PARN: variants seen among roughly 807,000 people sequenced by gnomAD.
PARN encodes the protein poly(A)-specific ribonuclease PARN.
Under a neutral mutation model 102.8 loss-of-function variants are expected in PARN, and 71 were observed. The observed-to-expected ratio is 0.69, with a 90% CI of 0.57 to 0.84. The LOEUF (loss-of-function observed/expected upper bound fraction) is 0.84. PARN is among the 40% of genes least tolerant of loss of function. The probability of loss-of-function intolerance (pLI) is 0.00; values close to 1 mark genes in which losing one functional copy is unlikely to be tolerated. For missense variants in PARN, 782 were observed against 760.9 expected, an observed-to-expected ratio of 1.03 and a Z score of -0.33; for synonymous variants, 261 against 252.9, an observed-to-expected ratio of 1.03 and a Z score of -0.30.
chr16:14,617,487 C>A (rs1476479909), intron 6 of PARN, 103 bp downstream of exon 6: 5 of 705,418 alleles, frequency 7.1e-6, no homozygotes, highest in African/African-American at 7.0e-5. Context: ...AAGACTGTGT[C>A]TCAGCAGGCA....
rs552775170 is a variant in PARN at position 14,559,447 on chromosome 16, T to C, written c.1263-3738A>G. ...AATTTTTATGAGTATACAGTAGATG[T>C]ATATATTTGTAGGGTACGTGAGATG... is the stretch of plus-strand genomic sequence containing the variant. On this transcript the variant is annotated intron_variant, in intron 18 of 23. Transcript: ENST00000437198. Among the ~76,000 whole-genome samples the C allele has an allele frequency of 5.2e-4, 79 of 152,126 alleles. 1 individual carries two copies. The highest frequency in any genetic ancestry group is 9.4e-4 in the Non-Finnish European group (64 of 68,004).
At chr16:14,554,713 G>C (rs934281509) in intron 19 of PARN, among the ~76,000 whole-genome samples, 1 of 150,984 alleles carries the variant, frequency 6.6e-6, no homozygotes, top group Non-Finnish European at 1.5e-5. Context: ...AAAAGTGCTG[G>C]AATTACAAGC....
At chr16:14,528,855 TA>T (rs1966158980) in intron 21 of PARN, among the ~76,000 whole-genome samples, 1 of 152,240 alleles carries the variant, frequency 6.6e-6, no homozygotes, top group African/African-American at 2.4e-5. Flanking sequence ...AGTATTCAAT[TA>T]ATCACTTTAA....
At chr16:14,451,682 C>A (rs1444220341) in intron 22 of PARN, among the ~76,000 whole-genome samples, 1 of 151,242 alleles carries the variant, frequency 6.6e-6, no homozygotes, top group Non-Finnish European at 1.5e-5. Context: ...AACGTTAATT[C>A]CCTGTGTCTT....
In PARN at chr16:14,438,633, T is replaced by C. The variant is rs141810525; in HGVS notation, c.1865-1861A>G. Among the ~76,000 whole-genome samples, 501 of 152,352 alleles carry C rather than the reference T, an allele frequency of 3.3e-3. 3 individuals carry two copies. The highest frequency in any genetic ancestry group is 0.012 in the African/African-American group (482 of 41,588). On this transcript the variant is annotated intron_variant, in intron 23 of 23. Coordinates refer to ENST00000437198, the MANE Select transcript of PARN (RefSeq NM_002582.4). ...CTAAGATGGACCCAGTACTATTTTA[T>C]GCTGTATAGGACTTCTGTGATACAG... is the stretch of plus-strand genomic sequence containing the variant.
At chr16:14,528,501 C>A (rs1215169090) in intron 21 of PARN, among the ~76,000 whole-genome samples, 5 of 152,194 alleles carry the variant, frequency 3.3e-5, no homozygotes, top group African/African-American at 1.2e-4. Context: ...ATTTTGCAAG[C>A]CGATCATACA....
At chr16:14,462,408 G>A (rs898006388) in intron 22 of PARN, among the ~76,000 whole-genome samples, 11 of 152,090 alleles carry the variant, frequency 7.2e-5, no homozygotes, top group South Asian at 4.2e-4. Context: ...ATTTAACCAC[G>A]GGAGTTCCAG....
intron 21 of PARN, among the ~76,000 whole-genome samples, chr16:14,551,819 G>A (rs1342475702): frequency 6.6e-6 from 1 of 152,128 alleles, no homozygotes; most frequent in East Asian, 1.9e-4. Context: ...CATACCTAAT[G>A]AATCAAAAGA....
At chr16:14,480,004 C>T (rs539259593) in intron 22 of PARN, among the ~76,000 whole-genome samples, 30 of 149,522 alleles carry the variant, frequency 2.0e-4, no homozygotes, top group Non-Finnish European at 3.1e-4. Flanking sequence ...TAACAATAAA[C>T]GGGAAAAAAC....
chr16:14,442,215 A>C (rs1010586071), intron 23 of PARN, among the ~76,000 whole-genome samples: 1 of 152,190 alleles, frequency 6.6e-6, no homozygotes, highest in African/African-American at 2.4e-5. Flanking sequence ...GATTCTCCAG[A>C]GAAGTGAGGG....
At position 14,550,113 on chromosome 16, in the gene PARN, G is replaced by A. The variant is rs538692833; in HGVS notation, c.1480+1908C>T. ...TCAGGACTTTGAACTCAGTCTTCTT[G>A]CAGCCACACTGAAGCCTCACTGTAA... is the stretch of plus-strand genomic sequence containing the variant. On this transcript the variant is annotated intron_variant, in intron 21 of 23. Transcript: ENST00000437198. Among the ~76,000 whole-genome samples the A allele has an allele frequency of 4.6e-5, 7 of 152,242 alleles. No homozygotes were observed. The South Asian group carries it at 1.5e-3, about 32-fold the overall frequency.
intron 18 of PARN, among the ~76,000 whole-genome samples, chr16:14,579,437 G>A (rs568746847): frequency 2.6e-5 from 4 of 152,046 alleles, no homozygotes; most frequent in African/African-American, 7.2e-5. Flanking sequence ...TATTTACAGC[G>A]TGTAAATATT....
intron 18 of PARN, among the ~76,000 whole-genome samples, chr16:14,569,854 G>C (rs1279413609): frequency 6.6e-6 from 1 of 151,988 alleles, no homozygotes; most frequent in Non-Finnish European, 1.5e-5. Context: ...CAGTGGCTAT[G>C]GTTGTATAAT....
At chr16:14,490,013 C>T (rs748666430) in intron 21 of PARN, among the ~76,000 whole-genome samples, 1 of 152,096 alleles carries the variant, frequency 6.6e-6, no homozygotes, top group Non-Finnish European at 1.5e-5. Context: ...TACTTAAATA[C>T]GAAGATTAGC....
intron 18 of PARN, among the ~76,000 whole-genome samples, chr16:14,575,773 C>T (rs531196309): frequency 3.3e-5 from 5 of 152,198 alleles, no homozygotes; most frequent in Admixed American, 2.0e-4. Context: ...TGGGAGGGGC[C>T]AAGGGTGGAA....
Position 14,496,290 on chromosome 16 carries a change from C to A in PARN, c.1481-13463G>T, listed in dbSNP as rs189434190. 2.4e-4 allele frequency among the ~76,000 whole-genome samples: 36 copies of A among 152,026 alleles called. No individual in the cohort carries two copies. The East Asian group carries it at 6.4e-3, about 27-fold the overall frequency. ...CTCTGCGCTCACACCCAGCCCAACA[C>A]AAAAAAGGGCTTTCCCAAGTGCTGA... On this transcript the variant is annotated intron_variant, in intron 21 of 23. Transcript: ENST00000437198.
rs757878760 is a variant in PARN at position 14,482,677 on chromosome 16, A to T, written c.1631T>A (p.Ile544Lys). 2 of 1,613,658 alleles carry T rather than the reference A, an allele frequency of 1.2e-6. No homozygotes were observed. Among genetic ancestry groups the T allele is most frequent in the South Asian group, 2.2e-5 (2 of 91,012 alleles). ...ADSKRLNPQC[I>K]PYTLQNHYYR... is the part of the protein sequence containing the mutation. ...ATAGTGATTCTGCAGGGTGTAGGGTATGCACTGGGGGTTTAACCGTTTGCT... is the reference window on the plus strand; with the variant it reads ...ATAGTGATTCTGCAGGGTGTAGGGTTTGCACTGGGGGTTTAACCGTTTGCT... The change falls in exon 22 of 24, where the codon ATA becomes AAA. Residue 544 changes from isoleucine to lysine, a missense_variant. By Grantham distance (102) the Ile-to-Lys change is moderately radical (BLOSUM62 -3). Coordinates refer to ENST00000437198, the MANE Select transcript of PARN (RefSeq NM_002582.4).
intron 21 of PARN, among the ~76,000 whole-genome samples, chr16:14,511,754 A>C (rs775372385): frequency 7.9e-5 from 12 of 152,188 alleles, no homozygotes; most frequent in Non-Finnish European, 1.5e-4. Context: ...AGTCTGGAGT[A>C]GAGTGGCACG....
At chr16:14,561,383 C>CAG (rs1254017575) in intron 18 of PARN, among the ~76,000 whole-genome samples, 1 of 152,176 alleles carries the variant, frequency 6.6e-6, no homozygotes, top group Non-Finnish European at 1.5e-5. Context: ...CTCAGAAACT[C>CAG]TGGACTGAGA....
Sources: gnomAD v4.1 joint callset for allele counts (sites outside exome capture counted in the v4.1 genomes callset) on GRCh38, gnomAD v4.1.1 for gene constraint, MANE v1.5 for transcripts, NCBI Gene and HGNC (gene_info 2026-07-23, HGNC 2026-07-21) for gene names.